MFAP3L: variants seen among roughly 807,000 people sequenced by gnomAD.
MFAP3L encodes the protein microfibril associated protein 3 like.
MFAP3L carries 5 observed loss-of-function variants against 20.0 expected under a neutral mutation model. That is an observed-to-expected ratio of 0.25 (90% CI 0.13 to 0.53). The LOEUF (loss-of-function observed/expected upper bound fraction) is 0.53. Among genes scored for constraint, MFAP3L ranks in the 20% least tolerant of loss-of-function variants. MFAP3L has a pLI of 0.96. For missense variants in MFAP3L, 409 were observed against 527.5 expected, an observed-to-expected ratio of 0.78 and a Z score of 2.20; for synonymous variants, 219 against 213.0, an observed-to-expected ratio of 1.03 and a Z score of -0.25.
chr4:170,009,376 C>T (rs1254989385), intron 1 of MFAP3L, among the ~76,000 whole-genome samples: 1 of 133,626 alleles, frequency 7.5e-6, no homozygotes, highest in Non-Finnish European at 1.5e-5. Flanking sequence ...GAGCAAGACG[C>T]TGTCTCAAAA....
intron 1 of MFAP3L, among the ~76,000 whole-genome samples, chr4:170,021,858 A>C (rs1740057924): frequency 6.6e-6 from 1 of 152,148 alleles, no homozygotes; most frequent in African/African-American, 2.4e-5. Context: ...ACATCCCCCA[A>C]CACCAACGTC....
In MFAP3L at chr4:169,987,023, C is replaced by T. The variant is rs906387596; in HGVS notation, c.*4355G>A. ...TGATTGTAGTATTCTTAGTATCAGC[C>T]TCTTTATAAATTCTATCTCTAAAAA... On this transcript the variant is annotated 3_prime_UTR_variant, in exon 3 of 3. Transcript: ENST00000361618. 3.9e-5 allele frequency: 6 copies of T among 152,116 alleles called. No homozygotes were observed. Among genetic ancestry groups the T allele is most frequent in the Non-Finnish European group, 8.8e-5 (6 of 67,986 alleles). The allele number at this position is 152,116 out of a possible 1,614,324, so 9.4% of individuals were successfully genotyped here. A position where few individuals can be genotyped will look rare whatever the true frequency, so the allele number is the denominator to read the frequency against.
At chr4:170,004,466 A>G (rs1738899419) in intron 2 of MFAP3L, among the ~76,000 whole-genome samples, 1 of 152,224 alleles carries the variant, frequency 6.6e-6, no homozygotes, top group African/African-American at 2.4e-5. Context: ...TGGCTAACCA[A>G]AAGCAATGTA....
intron 2 of MFAP3L, chr4:169,994,478 T>A (rs539587768): frequency 1.0e-6 from 1 of 980,338 alleles, no homozygotes; most frequent in Non-Finnish European, 1.2e-6. Context: ...TATAGAAAAA[T>A]AAAATGTGAA....
At chr4:169,993,215 T>C (rs1737865901) in intron 2 of MFAP3L, among the ~76,000 whole-genome samples, 1 of 152,198 alleles carries the variant, frequency 6.6e-6, no homozygotes, top group Non-Finnish European at 1.5e-5. Flanking sequence ...TGAAACATGA[T>C]ACTAGACGTG....
At chr4:170,025,543 T>C (rs960222546) in intron 1 of MFAP3L, among the ~76,000 whole-genome samples, 1 of 152,244 alleles carries the variant, frequency 6.6e-6, no homozygotes, top group African/African-American at 2.4e-5. Flanking sequence ...AGTTTTTTTT[T>C]CAGGGCTGGA....
chr4:169,992,588 T>C lies in MFAP3L; in HGVS notation c.299-279A>G, dbSNP rs1019653489. Among the ~76,000 whole-genome samples the C allele has an allele frequency of 6.6e-6, 1 of 152,252 alleles. No homozygotes were observed. The highest frequency in any genetic ancestry group is 2.4e-5 in the African/African-American group (1 of 41,462). Reference sequence around the variant, plus strand: ...AGACAACACTCCCAAGGGCACCGGCTTGGAAGCCGTAGAACTGAAGATGAA... The same window carrying C: ...AGACAACACTCCCAAGGGCACCGGCCTGGAAGCCGTAGAACTGAAGATGAA... On this transcript the variant is annotated intron_variant, in intron 2 of 2. Transcript: ENST00000361618. This position sits in a 1 kb window ranked among gnomAD's most constrained non-coding sequence, Gnocchi z 4.3.
intron 2 of MFAP3L, among the ~76,000 whole-genome samples, chr4:170,001,461 T>C (rs924081364): frequency 6.6e-6 from 1 of 152,190 alleles, no homozygotes; most frequent in Non-Finnish European, 1.5e-5. Context: ...CCTAACTTAA[T>C]GGAAGAATTT....
intron 1 of MFAP3L, among the ~76,000 whole-genome samples, chr4:170,025,202 T>G (rs1480437692): frequency 1.3e-5 from 2 of 152,202 alleles, no homozygotes; most frequent in African/African-American, 4.8e-5. Flanking sequence ...TAACTTACGG[T>G]CTCATGAAAC....
At chr4:170,010,427 CTTTTT>C (rs2111026248) in intron 1 of MFAP3L, among the ~76,000 whole-genome samples, 1 of 152,182 alleles carries the variant, frequency 6.6e-6, no homozygotes, top group Admixed American at 6.5e-5. Flanking sequence ...CAGGTTTTTT[CTTTTT>C]TAACAGAAGT....
rs964299545 is a variant in MFAP3L, at chr4:169,991,180, T to G, written c.*198A>C. 6 of 604,188 alleles carry G rather than the reference T, an allele frequency of 9.9e-6. No individual in the cohort carries two copies. The Admixed American group carries it at 1.9e-4, about 19-fold the overall frequency. 37.4% of individuals were successfully genotyped at this position (604,188 alleles called of 1,614,324 possible). A position where few individuals can be genotyped will look rare whatever the true frequency, so the allele number is the denominator to read the frequency against. On this transcript the variant is annotated 3_prime_UTR_variant, in exon 3 of 3. Coordinates refer to ENST00000361618, the MANE Select transcript of MFAP3L (RefSeq NM_021647.8). This position sits in a 1 kb window ranked among gnomAD's most constrained non-coding sequence, Gnocchi z 4.9. ...GTCTGGTATCAATTCTGCACCCTGA[T>G]GTTTCTCGCACCCTTCTCTACTGGG...
At chr4:170,000,293 A>C (rs1357081535) in intron 2 of MFAP3L, among the ~76,000 whole-genome samples, 2 of 152,222 alleles carry the variant, frequency 1.3e-5, no homozygotes, top group African/African-American at 4.8e-5. Context: ...CATTTAAGGG[A>C]TAGGAATTTC....
intron 1 of MFAP3L, among the ~76,000 whole-genome samples, chr4:170,023,126 T>C (rs1366362486): frequency 1.3e-5 from 2 of 152,180 alleles, no homozygotes; most frequent in East Asian, 1.9e-4. Flanking sequence ...ACTTTTCCCA[T>C]GGAAATGTCA....
chr4:170,018,180 GT>G (rs550269676), intron 1 of MFAP3L, among the ~76,000 whole-genome samples: 117 of 152,332 alleles, frequency 7.7e-4, no homozygotes, highest in Middle Eastern at 3.4e-3. Flanking sequence ...GTTCCCTGGG[GT>G]TGGCCAAGAC....
chr4:170,014,334 C>T (rs974433561), intron 1 of MFAP3L, among the ~76,000 whole-genome samples: 3 of 152,192 alleles, frequency 2.0e-5, no homozygotes, highest in Admixed American at 2.0e-4. Flanking sequence ...ATCTCAAGCC[C>T]ATTTTCCAAG....
At position 169,992,058 on chromosome 4, in the gene MFAP3L, T is replaced by C. The variant is rs142955967; in HGVS notation, c.550A>G (p.Lys184Glu). 8.1e-6 allele frequency: 13 copies of C among 1,614,054 alleles called. No homozygotes were observed. Among genetic ancestry groups the C allele is most frequent in the Non-Finnish European group, 1.1e-5 (13 of 1,180,042 alleles). The change falls in exon 3 of 3, where the codon AAG becomes GAG. Residue 184 changes from lysine (K) to glutamate (E), a missense_variant. Around this residue, in one of 3 missense-constraint regions of MFAP3L, gnomAD observed 127 missense variants for 218.1 expected, o/e 0.58. Transcript: ENST00000361618. The surrounding 1 kb of genome is among the most constrained non-coding windows in gnomAD (Gnocchi z 4.3). ...MMSSHLKKTE[K>E]AINEFFRTEG... ...GTCCTAAAGAACTCATTGATGGCCTTCTCAGTCTTCTTTAGATGGCTGCTC... is the reference window on the plus strand; with the variant it reads ...GTCCTAAAGAACTCATTGATGGCCTCCTCAGTCTTCTTTAGATGGCTGCTC...
chr4:170,012,284 A>G (rs1739431573), intron 1 of MFAP3L, among the ~76,000 whole-genome samples: 1 of 152,370 alleles, frequency 6.6e-6, no homozygotes, highest in Middle Eastern at 3.4e-3. Context: ...CAGAATGACT[A>G]TCTGATAGCA....
At chr4:170,010,371 A>C (rs1739298378) in intron 1 of MFAP3L, among the ~76,000 whole-genome samples, 1 of 152,150 alleles carries the variant, frequency 6.6e-6, no homozygotes, top group Non-Finnish European at 1.5e-5. Flanking sequence ...ATCAGCATAG[A>C]GTCTCTTGAA....
chr4:170,011,014 T>C (rs559425349), intron 1 of MFAP3L, among the ~76,000 whole-genome samples: 108 of 152,306 alleles, frequency 7.1e-4, no homozygotes, highest in African/African-American at 2.5e-3. Context: ...TTCCACCATA[T>C]TGTTCTTGTG....
Sources: allele counts gnomAD v4.1 joint callset (sites outside exome capture counted in the v4.1 genomes callset), GRCh38; gene constraint gnomAD v4.1.1; regional missense constraint gnomAD v4.1.1; non-coding constraint Gnocchi (gnomAD v3.1); transcripts MANE v1.5; gene names NCBI Gene and HGNC (gene_info 2026-07-23, HGNC 2026-07-21).